TOX3: variants seen among roughly 807,000 people sequenced by gnomAD.
TOX3 encodes the protein CAG trinucleotide repeat-containing gene F9 protein.
In TOX3, 22 loss-of-function variants were observed where a neutral mutation model predicts 64.3. The observed-to-expected ratio is 0.34, with a 90% CI of 0.24 to 0.49. TOX3 has a LOEUF of 0.49. TOX3 is among the 20% of genes least tolerant of loss of function. The pLI is 0.99. For synonymous variants in TOX3, 291 were observed against 273.6 expected (o/e 1.06, Z -0.63); for missense variants, 661 against 714.4 (o/e 0.93, Z 0.85).
At chr16:52,531,723 G>A (rs1962855032) in intron 1 of TOX3, among the ~76,000 whole-genome samples, 1 of 152,170 alleles carries the variant, frequency 6.6e-6, no homozygotes, top group African/African-American at 2.4e-5. Context: ...GCAAGACACT[G>A]GAAGTGTTCA....
chr16:52,485,636 C>T (rs561891026), intron 1 of TOX3, among the ~76,000 whole-genome samples: 54 of 152,014 alleles, frequency 3.6e-4, no homozygotes, highest in Non-Finnish European at 6.6e-4. Context: ...CATGTACCCC[C>T]TGAATCTAAA....
At chr16:52,519,349 C>T in intron 1 of TOX3, 1 of 1,481,812 alleles carries the variant, frequency 6.7e-7, no homozygotes, top group Non-Finnish European at 9.1e-7. Context: ...ATAAAAGACA[C>T]TATCTGGTTA....
At chr16:52,545,135 G>C (rs1412219144) in intron 1 of TOX3, among the ~76,000 whole-genome samples, 1 of 152,214 alleles carries the variant, frequency 6.6e-6, no homozygotes, top group East Asian at 1.9e-4. Flanking sequence ...TTAATAACCT[G>C]AGTAAATCCA....
At chr16:52,519,976 CA>C (rs61541718) in intron 1 of TOX3, among the ~76,000 whole-genome samples, 222 of 127,622 alleles carry the variant, frequency 1.7e-3, no homozygotes, top group South Asian at 3.7e-3. Flanking sequence ...GTCTCAAAAA[CA>C]AAAAAAAAAA....
intron 1 of TOX3, among the ~76,000 whole-genome samples, chr16:52,516,886 G>A (rs998483649): frequency 6.6e-6 from 1 of 152,018 alleles, no homozygotes; most frequent in African/African-American, 2.4e-5. Context: ...AAAATTGGCA[G>A]ATTTTATTGT....
At chr16:52,490,535 G>A (rs1339558956) in intron 1 of TOX3, among the ~76,000 whole-genome samples, 2 of 151,360 alleles carry the variant, frequency 1.3e-5, no homozygotes, top group East Asian at 1.9e-4. Context: ...CACTTCACAA[G>A]GGGGAACCAA....
chr16:52,475,893 A>G (rs970919514), intron 1 of TOX3, among the ~76,000 whole-genome samples: 8 of 152,158 alleles, frequency 5.3e-5, no homozygotes, highest in African/African-American at 1.9e-4. Context: ...ACCCTAATAC[A>G]TGTATTTTTA....
At chr16:52,476,494 T>C (rs1354279949) in intron 1 of TOX3, among the ~76,000 whole-genome samples, 1 of 151,948 alleles carries the variant, frequency 6.6e-6, no homozygotes, top group African/African-American at 2.4e-5. Flanking sequence ...TTTTGGGAAG[T>C]TTTTTCTTGC....
chr16:52,533,093 C>T (rs1962883735), intron 1 of TOX3, among the ~76,000 whole-genome samples: 1 of 152,158 alleles, frequency 6.6e-6, no homozygotes, highest in Non-Finnish European at 1.5e-5. Context: ...ATATGGAACC[C>T]TAGGTAAAGA....
At chr16:52,537,704 G>C (rs1038257521) in intron 1 of TOX3, among the ~76,000 whole-genome samples, 1 of 151,998 alleles carries the variant, frequency 6.6e-6, no homozygotes, top group African/African-American at 2.4e-5. Flanking sequence ...ATGCCTACGT[G>C]GCTACGAGCC....
chr16:52,446,975 T>C (rs1960181636), intron 4 of TOX3, among the ~76,000 whole-genome samples: 1 of 152,182 alleles, frequency 6.6e-6, no homozygotes, highest in Admixed American at 6.5e-5. Context: ...AAGATGTTTG[T>C]TATTTATGGC....
chr16:52,544,224 G>A (rs1024042317), intron 1 of TOX3, among the ~76,000 whole-genome samples: 2 of 152,094 alleles, frequency 1.3e-5, no homozygotes, highest in Non-Finnish European at 2.9e-5. Flanking sequence ...AACCTATATT[G>A]AACAGCACCA....
intron 2 of TOX3, among the ~76,000 whole-genome samples, chr16:52,467,445 G>A (rs1362560): frequency 0.67 from 102,129 of 152,044 alleles, 35,783 homozygotes; most frequent in East Asian, 0.87. Context: ...TTGATCCCCC[G>A]TTTATTCTAA....
chr16:52,527,484 T>A (rs1251813823), intron 1 of TOX3, among the ~76,000 whole-genome samples: 3 of 152,200 alleles, frequency 2.0e-5, no homozygotes, highest in Non-Finnish European at 4.4e-5. Flanking sequence ...AGATCTTCTC[T>A]TCTCAATCCG....
At chr16:52,457,631 G>C (rs115595950) in intron 3 of TOX3, among the ~76,000 whole-genome samples, 4 of 152,082 alleles carry the variant, frequency 2.6e-5, no homozygotes, top group Non-Finnish European at 5.9e-5. Flanking sequence ...AGGAAATGCA[G>C]GCCAGTAATT....
intron 1 of TOX3, among the ~76,000 whole-genome samples, chr16:52,487,808 T>C (rs2151454760): frequency 6.6e-6 from 1 of 152,350 alleles, no homozygotes; most frequent in African/African-American, 2.4e-5. Context: ...AATTTGGTTT[T>C]GATAAATGTT....
chr16:52,526,448 C>A (rs2151481751), intron 1 of TOX3, among the ~76,000 whole-genome samples: 1 of 145,876 alleles, frequency 6.9e-6, no homozygotes, highest in East Asian at 2.1e-4. Context: ...GATTCCTGAA[C>A]AAAATAAGTG....
At chr16:52,545,482 T>G (rs769013112) in intron 1 of TOX3, among the ~76,000 whole-genome samples, 1 of 152,224 alleles carries the variant, frequency 6.6e-6, no homozygotes, top group Non-Finnish European at 1.5e-5. Flanking sequence ...AAACTGTTCC[T>G]CACTCTAGAT....
At chr16:52,504,668 C>G (rs1369752054) in intron 1 of TOX3, among the ~76,000 whole-genome samples, 1 of 151,834 alleles carries the variant, frequency 6.6e-6, no homozygotes, top group Non-Finnish European at 1.5e-5. Flanking sequence ...GTAACGGAGG[C>G]TTTTAGGGGC....
Sources: gnomAD v4.1 joint callset for allele counts (sites outside exome capture counted in the v4.1 genomes callset) on GRCh38, gnomAD v4.1.1 for gene constraint, MANE v1.5 for transcripts, NCBI Gene and HGNC (gene_info 2026-07-23, HGNC 2026-07-21) for gene names.